The following USP49 variants were observed in gnomAD, a reference collection of about 807,000 sequenced individuals.
USP49 encodes the protein ubiquitin carboxyl-terminal hydrolase 49.
In USP49, 24 loss-of-function variants were observed where a neutral mutation model predicts 58.6. The ratio of observed to expected loss-of-function variants is 0.41; its 90% CI spans 0.30 to 0.58. The LOEUF is 0.58. Ranked by LOEUF, USP49 falls within the 20% of genes least tolerant of loss-of-function variation. The probability of loss-of-function intolerance (pLI) is 0.30; values close to 1 mark genes in which losing one functional copy is unlikely to be tolerated. For synonymous variants in USP49, 408 were observed against 365.1 expected (o/e 1.12, Z -1.34); for missense variants, 703 against 866.1 (o/e 0.81, Z 2.36).
At chr6:41,805,605 T>C (rs918839545) in intron 4 of USP49, 23 bp downstream of exon 4, 20 of 1,590,206 alleles carry the variant, frequency 1.3e-5, no homozygotes, top group Non-Finnish European at 1.6e-5. Context: ...AGCCTCTCAT[T>C]GTCATGGTAG....
intron 3 of USP49, among the ~76,000 whole-genome samples, chr6:41,839,404 CAAAAA>C (rs538220746): frequency 4.0e-4 from 9 of 22,254 alleles, no homozygotes; most frequent in African/African-American, 1.1e-3. Context: ...GGCCTTGTCT[CAAAAA>C]AAAAAAAAAA....
intron 3 of USP49, among the ~76,000 whole-genome samples, chr6:41,810,097 AG>A (rs1773226007): frequency 6.6e-6 from 1 of 151,754 alleles, no homozygotes; most frequent in South Asian, 2.1e-4. Context: ...GCTTGCAGTG[AG>A]CCGAGATCGC....
At chr6:41,797,277 A>C (rs990252574) in intron 7 of USP49, among the ~76,000 whole-genome samples, 5 of 152,086 alleles carry the variant, frequency 3.3e-5, no homozygotes, top group African/African-American at 9.7e-5. Context: ...TGCAATTTTT[A>C]TCTTTGTTTT....
In USP49 at chr6:41,794,989, T is replaced by A. The variant is rs1174129543; in HGVS notation, c.*1544A>T. The A allele has an allele frequency of 6.6e-6, 1 of 152,228 alleles. No homozygotes were observed. The highest frequency in any genetic ancestry group is 1.5e-5 in the Non-Finnish European group (1 of 68,042). 9.4% of individuals were successfully genotyped at this position (152,228 alleles called of 1,614,324 possible). On this transcript the variant is annotated 3_prime_UTR_variant, in exon 8 of 8. Transcript: ENST00000682992. ...AGATCTGTGTGGGAAATGTGGCTCA[T>A]CAACATTGCTAAAGCTATAACCCTC...
At chr6:41,826,028 C>A (rs1414651643) in intron 3 of USP49, among the ~76,000 whole-genome samples, 1 of 152,152 alleles carries the variant, frequency 6.6e-6, no homozygotes, top group Non-Finnish European at 1.5e-5. Flanking sequence ...CTTTGGGAGA[C>A]CGAGGCAGGT....
chr6:41,863,933 ATT>A (rs35693450), intron 3 of USP49, among the ~76,000 whole-genome samples: 8 of 137,634 alleles, frequency 5.8e-5, no homozygotes, highest in Admixed American at 1.5e-4. Flanking sequence ...AATTTTTGTA[ATT>A]TTTTTTTTTT....
chr6:41,883,932 A>G (rs1774661839), intron 2 of USP49, among the ~76,000 whole-genome samples: 1 of 152,204 alleles, frequency 6.6e-6, no homozygotes, highest in Non-Finnish European at 1.5e-5. Flanking sequence ...ATGGTAGCCT[A>G]GGTGCCCATC....
intron 3 of USP49, among the ~76,000 whole-genome samples, chr6:41,840,387 AAAG>A: frequency 6.6e-6 from 1 of 151,958 alleles, no homozygotes; most frequent in Non-Finnish European, 1.5e-5. Flanking sequence ...AAAAAAAAAA[AAAG>A]AAAATTAAAA....
rs1263423056 is a variant in USP49, at chr6:41,798,823, T to C, written c.1777A>G (p.Lys593Glu). 1.9e-6 allele frequency: 3 copies of C among 1,614,040 alleles called. No individual in the cohort carries two copies. Among genetic ancestry groups the C allele is most frequent in the Non-Finnish European group, 2.5e-6 (3 of 1,180,022 alleles). Residue 593 changes from lysine to glutamate, a missense_variant, in exon 7 of 8, where the codon AAA becomes GAA. Transcript: ENST00000682992. ...GAGAGATCATAGGCAAAGGTCTCTT[T>C]GTCAAGAGAGGAGAGCATGTCCCTG... Reference protein sequence around the residue: ...CCRDMLSSLDKETFAYDLSAV... With the variant: ...CCRDMLSSLDEETFAYDLSAV...
intron 3 of USP49, among the ~76,000 whole-genome samples, chr6:41,866,570 T>C (rs927356371): frequency 1.6e-4 from 24 of 152,232 alleles, no homozygotes; most frequent in Non-Finnish European, 1.3e-4. Context: ...AGAGACATCA[T>C]GACTTTCAAC....
At chr6:41,822,429 T>C (rs1432134935) in intron 3 of USP49, among the ~76,000 whole-genome samples, 1 of 152,200 alleles carries the variant, frequency 6.6e-6, no homozygotes, top group Non-Finnish European at 1.5e-5. Flanking sequence ...TTCTAAGAAA[T>C]GGGAACCCGT....
chr6:41,811,184 A>G (rs1773252283), intron 3 of USP49, among the ~76,000 whole-genome samples: 1 of 152,164 alleles, frequency 6.6e-6, no homozygotes, highest in African/African-American at 2.4e-5. Context: ...ACTACTCTCA[A>G]TCAAGCCAGA....
At chr6:41,852,865 C>A (rs1774054589) in intron 3 of USP49, among the ~76,000 whole-genome samples, 2 of 152,186 alleles carry the variant, frequency 1.3e-5, no homozygotes, top group Admixed American at 1.3e-4. Context: ...GTGGTATACA[C>A]ATGAGATGGA....
Position 41,796,377 on chromosome 6 carries a change from A to T in USP49, c.*156T>A. 1 of 538,550 alleles carries T rather than the reference A, an allele frequency of 1.9e-6. No homozygotes were observed. Among genetic ancestry groups the T allele is most frequent in the East Asian group, 2.8e-5 (1 of 35,746 alleles). The allele number at this position is 538,550 out of a possible 1,614,324, so 33.4% of individuals were successfully genotyped here. On this transcript the variant is annotated 3_prime_UTR_variant, in exon 8 of 8. Transcript: ENST00000682992. ...ACTCATTCAAAAGAAAGAGACTATA[A>T]AATTTACGACAGGACACGAATCACC... is the stretch of plus-strand genomic sequence containing the variant.
chr6:41,811,748 C>T (rs903083853), intron 3 of USP49, among the ~76,000 whole-genome samples: 1 of 152,140 alleles, frequency 6.6e-6, no homozygotes, highest in Non-Finnish European at 1.5e-5. Context: ...AATCAAAACA[C>T]ACATACATTA....
intron 6 of USP49, among the ~76,000 whole-genome samples, chr6:41,799,551 T>G (rs1772956830): frequency 6.6e-6 from 1 of 152,208 alleles, no homozygotes; most frequent in Non-Finnish European, 1.5e-5. Context: ...TGAATCTACA[T>G]AAGTCCAAGC....
At chr6:41,802,166 G>A (rs892833577) in intron 5 of USP49, among the ~76,000 whole-genome samples, 4 of 151,466 alleles carry the variant, frequency 2.6e-5, no homozygotes, top group African/African-American at 7.3e-5. Context: ...AAATGATATC[G>A]AGCATAACTT....
chr6:41,805,488 G>A, intron 4 of USP49, 140 bp downstream of exon 4: 1 of 882,636 alleles, frequency 1.1e-6, no homozygotes, highest in South Asian at 1.8e-5. Context: ...CAGAATGAAA[G>A]GTATAATGGC....
chr6:41,796,815 G>T, intron 7 of USP49, 92 bp from the exon 8 acceptor site: 2 of 662,158 alleles, frequency 3.0e-6, no homozygotes, highest in Non-Finnish European at 2.8e-6. Context: ...AAGGGACAGA[G>T]AAGTTCTGAA....
Sources: gnomAD v4.1 joint callset for allele counts (sites outside exome capture counted in the v4.1 genomes callset) on GRCh38, gnomAD v4.1.1 for gene constraint, MANE v1.5 for transcripts, NCBI Gene and HGNC (gene_info 2026-07-23, HGNC 2026-07-21) for gene names.